The following TMEM63A variants were observed in gnomAD, a reference collection of about 807,000 sequenced individuals.
TMEM63A encodes mechanosensitive cation channel TMEM63A.
A neutral mutation model predicts 100.6 loss-of-function variants in TMEM63A; 76 were observed. The ratio of observed to expected loss-of-function variants is 0.76; its 90% CI spans 0.63 to 0.91. TMEM63A has a LOEUF of 0.91. Ranked by LOEUF, TMEM63A falls within the 40% of genes least tolerant of loss-of-function variation. The pLI is 0.00. For synonymous variants in TMEM63A, 401 were observed against 401.1 expected (o/e 1.00, Z 0.00); for missense variants, 876 against 1,008.8 (o/e 0.87, Z 1.78).
chr1:225,862,512 G>A lies in TMEM63A; in HGVS notation c.894C>T (p.Leu298=), dbSNP rs540935026. The A allele has an allele frequency of 5.0e-6, 8 of 1,614,174 alleles. No individual in the cohort carries two copies. The South Asian group carries it at 8.8e-5, about 18-fold the overall frequency. Residue 298 remains leucine (L), a synonymous_variant, in exon 12 of 25, where the codon CTC becomes CTT. Coordinates refer to ENST00000366835, the MANE Select transcript of TMEM63A (RefSeq NM_014698.3). The surrounding 1 kb of genome is among the most constrained non-coding windows in gnomAD (Gnocchi z 5.1). ...ACTGGCCACAGGGCTTGGGGTTGATGAGGGTCCGCTGGCCTGTCTTCACCT... is the reference window on the plus strand; with the variant it reads ...ACTGGCCACAGGGCTTGGGGTTGATAAGGGTCCGCTGGCCTGTCTTCACCT... ...NLQVKTGQRT[L]INPKPCGQFC...
At chr1:225,877,664 T>G (rs1433994617) in intron 2 of TMEM63A, 70 bp from the exon 3 acceptor site, 1 of 1,459,166 alleles carries the variant, frequency 6.9e-7, no homozygotes, top group East Asian at 2.4e-5. Flanking sequence ...CCACCAGTGC[T>G]GGCAGAGCCA....
chr1:225,859,358 G>A lies in TMEM63A; in HGVS notation c.1224-9C>T, dbSNP rs369296193. On this transcript the variant is annotated splice_polypyrimidine_tract_variant and intron_variant, in intron 14 of 24. Transcript: ENST00000366835. Reference sequence around the variant, plus strand: ...GGATAGAGAGGTTCTTCCTGCAGCGGGAGAGGGGATACAGGTCTCGAGGCT... The same window carrying A: ...GGATAGAGAGGTTCTTCCTGCAGCGAGAGAGGGGATACAGGTCTCGAGGCT... The A allele has an allele frequency of 1.1e-4, 172 of 1,613,476 alleles. No individual in the cohort carries two copies. The highest frequency in any genetic ancestry group is 1.4e-4 in the Non-Finnish European group (164 of 1,179,968).
intron 9 of TMEM63A, 151 bp from the exon 10 acceptor site, chr1:225,866,118 A>C: frequency 1.4e-6 from 1 of 738,852 alleles, no homozygotes; most frequent in Non-Finnish European, 2.3e-6. Context: ...GGAGCCCCCA[A>C]AGCATGTCAT....
chr1:225,848,522 C>G lies in TMEM63A; in HGVS notation c.2220G>C (p.Glu740Asp). Residue 740 changes from glutamate to aspartate, a missense_variant, in exon 23 of 25, where the codon GAG becomes GAC. By Grantham distance (45) the Glu-to-Asp change is conservative. Around this residue, in one of 5 missense-constraint regions of TMEM63A, gnomAD observed 339 missense variants for 342.3 expected, o/e 0.99. Transcript: ENST00000366835. ...TEEPASDKGS[E>D]AEAHMPPPFT... Reference sequence around the variant, plus strand: ...ACGGTGGGGGCATGTGGGCCTCTGCCTCACTTCCTTTGTCACTTGCAGGCT... The same window carrying G: ...ACGGTGGGGGCATGTGGGCCTCTGCGTCACTTCCTTTGTCACTTGCAGGCT... The G allele has an allele frequency of 1.2e-6, 2 of 1,614,170 alleles. No individual in the cohort carries two copies. The highest frequency in any genetic ancestry group is 1.7e-6 in the Non-Finnish European group (2 of 1,180,038).
At position 225,871,672 on chromosome 1, in the gene TMEM63A, A is replaced by G. The variant is rs1035333034; in HGVS notation, c.333+315T>C. On this transcript the variant is annotated intron_variant, in intron 5 of 24. Coordinates refer to ENST00000366835, the MANE Select transcript of TMEM63A (RefSeq NM_014698.3). ...TGGAGAGGGCAGGGCTCCTGCCCAC[A>G]TCTGGCTCATAATCCAGCCAGCAAG... The G allele has an allele frequency of 9.3e-5, 34 of 364,010 alleles. No homozygotes were observed. In the Admixed American group the frequency reaches 1.2e-3, roughly 12 times the overall value. 22.5% of individuals were successfully genotyped at this position (364,010 alleles called of 1,614,324 possible). A position where few individuals can be genotyped will look rare whatever the true frequency, so the allele number is the denominator to read the frequency against.
At chr1:225,873,850 A>G (rs1343064229) in intron 4 of TMEM63A, among the ~76,000 whole-genome samples, 1 of 152,190 alleles carries the variant, frequency 6.6e-6, no homozygotes, top group Non-Finnish European at 1.5e-5. Flanking sequence ...GAGAAAGAAA[A>G]TGGGCATCCT....
At chr1:225,843,588 G>T (rs141038470), downstream of TMEM63A, among the ~76,000 whole-genome samples, 46 of 152,330 alleles carry the variant, frequency 3.0e-4, 1 homozygote, top group East Asian at 8.1e-3. Context: ...GGAGCAAGAT[G>T]TGAGGCCCCA....
intron 22 of TMEM63A, 45 bp from the exon 23 acceptor site, chr1:225,848,599 TC>T (rs1387128071): frequency 1.2e-6 from 2 of 1,601,770 alleles, no homozygotes; most frequent in Non-Finnish European, 1.7e-6. Flanking sequence ...AAAACTGATC[TC>T]TGTGAACAAA....
At position 225,850,716 on chromosome 1, in the gene TMEM63A, C is replaced by T. The variant is rs1056238546; in HGVS notation, c.1904-637G>A. On this transcript the variant is annotated intron_variant, in intron 20 of 24. Coordinates refer to ENST00000366835, the MANE Select transcript of TMEM63A (RefSeq NM_014698.3). ...AGGCAAAATATCTGTCAGTGTATGT[C>T]TGTCTGTCTGTTTTTTTGAGACAGA... Among the ~76,000 whole-genome samples, 5 of 152,148 alleles carry T rather than the reference C, an allele frequency of 3.3e-5. No individual in the cohort carries two copies. In the South Asian group the frequency reaches 8.3e-4, roughly 25 times the overall value.
At chr1:225,846,994 C>T in intron 24 of TMEM63A, 40 bp downstream of exon 24, 2 of 1,566,318 alleles carry the variant, frequency 1.3e-6, no homozygotes, top group South Asian at 2.4e-5. Flanking sequence ...GTCTTCTCAC[C>T]CCACAGGCTC....
chr1:225,873,722 C>T (rs1432320285), intron 4 of TMEM63A, among the ~76,000 whole-genome samples: 3 of 152,210 alleles, frequency 2.0e-5, no homozygotes, highest in Middle Eastern at 3.2e-3. Context: ...CCAAACCCGG[C>T]GCTGACCTGG....
chr1:225,849,128 G>A, intron 21 of TMEM63A, 116 bp from the exon 22 acceptor site: 1 of 783,860 alleles, frequency 1.3e-6, no homozygotes, highest in Admixed American at 2.4e-5. Context: ...TTCTCCCTCA[G>A]GCAGAAAATA....
Position 225,854,142 on chromosome 1 carries a change from G to A in TMEM63A, c.1635-351C>T, listed in dbSNP as rs1257786271. ...GAGCCTTTCTAACGAGGTGATATTC[G>A]TGCAGAAATGTGAAGAGGTGAAGGA... On this transcript the variant is annotated intron_variant, in intron 18 of 24. Coordinates refer to ENST00000366835, the MANE Select transcript of TMEM63A (RefSeq NM_014698.3). 2.2e-4 allele frequency among the ~76,000 whole-genome samples: 8 copies of A among 36,772 alleles called. No homozygotes were observed. In the Admixed American group the frequency reaches 2.6e-3, roughly 12 times the overall value. 24.1% of individuals were successfully genotyped at this position (36,772 alleles called of 152,430 possible).
rs532848359 is a variant in TMEM63A, at chr1:225,856,078, G to A, written c.1572-138C>T. 1.0e-4 allele frequency: 81 copies of A among 813,416 alleles called. No homozygotes were observed. In the Admixed American group the frequency reaches 1.5e-3, roughly 15 times the overall value. 50.4% of individuals were successfully genotyped at this position (813,416 alleles called of 1,614,324 possible). ...TGTTCTCAACGATGCCACTTACTAC[G>A]GCATGACCTGTCACAGTCTGCTTTA... On this transcript the variant is annotated intron_variant, in intron 17 of 24. Coordinates refer to ENST00000366835, the MANE Select transcript of TMEM63A (RefSeq NM_014698.3).
At chr1:225,844,079 A>G (rs1465791346), downstream of TMEM63A, among the ~76,000 whole-genome samples, 1 of 152,046 alleles carries the variant, frequency 6.6e-6, no homozygotes, top group Non-Finnish European at 1.5e-5. Flanking sequence ...AGATAATAGT[A>G]CCTATGTCCC....
chr1:225,840,642 T>C (rs1433238386), downstream of TMEM63A, among the ~76,000 whole-genome samples: 2 of 152,214 alleles, frequency 1.3e-5, no homozygotes, highest in East Asian at 3.8e-4. Context: ...TGGGACAAAA[T>C]TCATTTGCCT....
At chr1:225,874,847 G>A (rs568698549) in intron 3 of TMEM63A, among the ~76,000 whole-genome samples, 1 of 152,218 alleles carries the variant, frequency 6.6e-6, no homozygotes, top group Non-Finnish European at 1.5e-5. Context: ...CAATTCTTGT[G>A]CCTCAGCCTC....
intron 4 of TMEM63A, 37 bp from the exon 5 acceptor site, chr1:225,872,090 C>G: frequency 7.1e-7 from 1 of 1,411,330 alleles, no homozygotes; most frequent in Non-Finnish European, 9.8e-7. Flanking sequence ...ACAGATAATT[C>G]TTAGAAAAAA....
chr1:225,857,021 G>C lies in TMEM63A; in HGVS notation c.1378-4C>G. ...AGAACTGGCTGATGATCGGGTTCTAGGAGAAAGGTCCACAGCAGAGAGAGT... is the reference window on the plus strand; with the variant it reads ...AGAACTGGCTGATGATCGGGTTCTACGAGAAAGGTCCACAGCAGAGAGAGT... On this transcript the variant is annotated splice_region_variant and splice_polypyrimidine_tract_variant and intron_variant, in intron 15 of 24. Transcript: ENST00000366835. 6.3e-7 allele frequency: 1 copy of C among 1,578,020 alleles called. No homozygotes were observed. The highest frequency in any genetic ancestry group is 8.6e-7 in the Non-Finnish European group (1 of 1,168,070).
Sources: allele counts gnomAD v4.1 joint callset (sites outside exome capture counted in the v4.1 genomes callset), GRCh38; gene constraint gnomAD v4.1.1; regional missense constraint gnomAD v4.1.1; non-coding constraint Gnocchi (gnomAD v3.1); transcripts MANE v1.5; gene names NCBI Gene and HGNC (gene_info 2026-07-23, HGNC 2026-07-21).